ACSS1: variants seen among roughly 807,000 people sequenced by gnomAD.
ACSS1 encodes the protein acyl-CoA synthetase short chain family member 1, also known as acetyl-coenzyme A synthetase 2-like, mitochondrial.
Under a neutral mutation model 75.3 loss-of-function variants are expected in ACSS1, and 42 were observed. The observed-to-expected ratio is 0.56, with a 90% CI of 0.44 to 0.72. ACSS1 has a LOEUF of 0.72. Among genes scored for constraint, ACSS1 ranks in the 30% least tolerant of loss-of-function variants. The probability of loss-of-function intolerance (pLI) is 0.00; values close to 1 mark genes in which losing one functional copy is unlikely to be tolerated. For missense variants in ACSS1, 782 were observed against 935.7 expected (o/e 0.84, Z 2.14); for synonymous variants, 380 against 376.8 (o/e 1.01, Z -0.10).
chr20:25,039,149 C>T (rs933501743), intron 2 of ACSS1, among the ~76,000 whole-genome samples: 1 of 152,192 alleles, frequency 6.6e-6, no homozygotes, highest in Admixed American at 6.5e-5. Context: ...TCACAACAGC[C>T]CATAGGTTCT....
chr20:25,029,730 AAAAACT>A (rs1568839139), intron 3 of ACSS1, among the ~76,000 whole-genome samples: 1 of 152,258 alleles, frequency 6.6e-6, no homozygotes, highest in Non-Finnish European at 1.5e-5. Context: ...TTGAGTGATG[AAAAACT>A]TCAGGTACTA....
chr20:25,043,085 G>A (rs1212212482), intron 2 of ACSS1, among the ~76,000 whole-genome samples: 2 of 152,006 alleles, frequency 1.3e-5, no homozygotes, highest in Non-Finnish European at 2.9e-5. Context: ...CCAGGGACAG[G>A]GCAGGCAGGG....
chr20:25,009,455 T>A (rs1600303167), intron 12 of ACSS1, 67 bp from the exon 13 acceptor site: 5 of 1,309,926 alleles, frequency 3.8e-6, no homozygotes. Flanking sequence ...CGAGGCAGGG[T>A]GCTATGCACA....
intron 3 of ACSS1, among the ~76,000 whole-genome samples, chr20:25,025,799 T>C (rs1220984936): frequency 6.6e-6 from 1 of 152,174 alleles, no homozygotes; most frequent in Non-Finnish European, 1.5e-5. Context: ...GTAAAGTTGC[T>C]TTGAATCTCT....
intron 7 of ACSS1, among the ~76,000 whole-genome samples, chr20:25,016,077 G>A (rs8119255): frequency 0.017 from 2,654 of 152,270 alleles, 84 homozygotes; most frequent in African/African-American, 0.061. Flanking sequence ...AATATGGCAC[G>A]CTCCTGCAGA....
chr20:25,007,728 C>A lies in ACSS1; in HGVS notation c.*34G>T. ...GGAAGGACAAGCCAGGGCTTGGGTG[C>A]CCGCCCATCCCAAGAGCCCCACAAG... is the stretch of plus-strand genomic sequence containing the variant. On this transcript the variant is annotated 3_prime_UTR_variant, in exon 14 of 14. Coordinates refer to ENST00000323482, the MANE Select transcript of ACSS1 (RefSeq NM_032501.4). 2.5e-6 allele frequency: 4 copies of A among 1,607,496 alleles called. No individual in the cohort carries two copies. The highest frequency in any genetic ancestry group is 3.4e-6 in the Non-Finnish European group (4 of 1,176,262).
chr20:25,025,539 G>A (rs2088700656), intron 3 of ACSS1, among the ~76,000 whole-genome samples: 1 of 152,208 alleles, frequency 6.6e-6, no homozygotes. Context: ...GTCTGGACAG[G>A]CTTGGTGGGG....
intron 3 of ACSS1, among the ~76,000 whole-genome samples, chr20:25,029,869 C>T (rs776988611): frequency 6.6e-6 from 1 of 152,120 alleles, no homozygotes; most frequent in East Asian, 1.9e-4. Flanking sequence ...GCATAAAATA[C>T]TTATGAAGAG....
At chr20:25,055,957 G>C (rs1303808466) in intron 1 of ACSS1, among the ~76,000 whole-genome samples, 1 of 152,178 alleles carries the variant, frequency 6.6e-6, no homozygotes, top group Non-Finnish European at 1.5e-5. Context: ...TGAACAGGAG[G>C]GCACGCACAT....
chr20:25,015,993 T>C (rs963669523), intron 7 of ACSS1, among the ~76,000 whole-genome samples: 1 of 152,238 alleles, frequency 6.6e-6, no homozygotes, highest in Non-Finnish European at 1.5e-5. Flanking sequence ...GAAGTGGCTA[T>C]GTAAAGGGTG....
At chr20:25,031,019 T>TG in intron 2 of ACSS1, 61 bp from the exon 3 acceptor site, 1 of 1,566,384 alleles carries the variant, frequency 6.4e-7, no homozygotes. Context: ...CAGAGCAGTT[T>TG]GGGGGTGGAG....
At chr20:25,007,965 T>C (rs745317138) in intron 13 of ACSS1, 24 bp from the exon 14 acceptor site, 1 of 1,611,810 alleles carries the variant, frequency 6.2e-7, no homozygotes, top group South Asian at 1.1e-5. Context: ...GGCACAGTGT[T>C]AGAGCGTGGA....
At chr20:25,052,814 C>A (rs1215483724) in intron 1 of ACSS1, among the ~76,000 whole-genome samples, 1 of 152,274 alleles carries the variant, frequency 6.6e-6, no homozygotes, top group East Asian at 1.9e-4. Context: ...GGGCCCCACC[C>A]AGGGCCTAAC....
intron 1 of ACSS1, among the ~76,000 whole-genome samples, chr20:25,049,808 C>T (rs1254757926): frequency 6.6e-6 from 1 of 152,076 alleles, no homozygotes; most frequent in Non-Finnish European, 1.5e-5. Context: ...TCAACGCAGG[C>T]AGATTGGCTC....
chr20:25,010,721 C>A (rs1600304219), intron 12 of ACSS1: 1 of 152,448 alleles, frequency 6.6e-6, no homozygotes, highest in African/African-American at 2.4e-5. Flanking sequence ...AGAAGTGGGC[C>A]TGGACTGTTG....
chr20:25,017,534 G>T (rs558338032), intron 7 of ACSS1, among the ~76,000 whole-genome samples: 50 of 152,348 alleles, frequency 3.3e-4, no homozygotes, highest in Non-Finnish European at 5.7e-4. Context: ...CGAGGTGTGT[G>T]ATTAGCACCT....
At position 25,058,056 on chromosome 20, in the gene ACSS1, C is replaced by T. The variant is rs2089271171; in HGVS notation, c.47G>A (p.Ser16Asn). The T allele has an allele frequency of 1.5e-6, 2 of 1,324,446 alleles. No individual in the cohort carries two copies. The highest frequency in any genetic ancestry group is 3.1e-5 in the African/African-American group (2 of 64,756). 82.0% of individuals were successfully genotyped at this position (1,324,446 alleles called of 1,614,324 possible). The change falls in exon 1 of 14, where the codon AGC becomes AAC. Residue 16 changes from serine to asparagine, a missense_variant. Around this residue, in one of 2 missense-constraint regions of ACSS1, gnomAD observed 377 missense variants for 383.1 expected, o/e 0.98. Coordinates refer to ENST00000323482, the MANE Select transcript of ACSS1 (RefSeq NM_032501.4). ...LGRGVGRLLG[S>N]LRGLSGQPAR... ...GGGCTGCCCCGAGAGCCCTCGCAGG[C>T]TGCCCAGCAGCCTCCCGACGCCGCG...
At chr20:25,021,032 G>A (rs2088614516) in intron 6 of ACSS1, among the ~76,000 whole-genome samples, 1 of 152,246 alleles carries the variant, frequency 6.6e-6, no homozygotes, top group Admixed American at 6.5e-5. Context: ...CACAGAAGTG[G>A]CGGGCAGCTG....
chr20:25,043,400 G>T (rs564610396), intron 2 of ACSS1, among the ~76,000 whole-genome samples: 1 of 152,358 alleles, frequency 6.6e-6, no homozygotes, highest in East Asian at 1.9e-4. Flanking sequence ...CACAGCTGGA[G>T]TGTGTGGCAG....
Sources: gnomAD v4.1 joint callset for allele counts (sites outside exome capture counted in the v4.1 genomes callset) on GRCh38, gnomAD v4.1.1 for gene constraint, gnomAD v4.1.1 regional missense constraint, MANE v1.5 for transcripts, NCBI Gene and HGNC (gene_info 2026-07-23, HGNC 2026-07-21) for gene names.